The following PCBP3 variants were observed in gnomAD, a reference collection of about 807,000 sequenced individuals.
PCBP3 encodes poly(rC) binding protein 3, also known as poly(rC)-binding protein 3.
Under a neutral mutation model 52.7 loss-of-function variants are expected in PCBP3, and 25 were observed. The ratio of observed to expected loss-of-function variants is 0.47; its 90% CI spans 0.35 to 0.66. The LOEUF (loss-of-function observed/expected upper bound fraction) is 0.66, where lower values mean the gene tolerates loss of function less well. Ranked by LOEUF, PCBP3 falls within the 30% of genes least tolerant of loss-of-function variation. The probability of loss-of-function intolerance (pLI) is 0.01; values close to 1 mark genes in which losing one functional copy is unlikely to be tolerated. For missense variants in PCBP3, 391 were observed against 490.3 expected (o/e 0.80, Z 1.91); for synonymous variants, 162 against 183.0 (o/e 0.89, Z 0.93).
chr21:45,689,060 A>C (rs1225154271), intron 2 of PCBP3, among the ~76,000 whole-genome samples: 1 of 152,114 alleles, frequency 6.6e-6, no homozygotes. Context: ...GGATGAGGGA[A>C]TACTGCCGAA....
At chr21:45,664,093 C>T (rs1460270205) in intron 1 of PCBP3, among the ~76,000 whole-genome samples, 2 of 147,604 alleles carry the variant, frequency 1.4e-5, no homozygotes. Flanking sequence ...TCAGTAAAAC[C>T]CAAGGAGAGT....
At chr21:45,908,196 A>G (rs2096254173) in intron 9 of PCBP3, among the ~76,000 whole-genome samples, 1 of 152,174 alleles carries the variant, frequency 6.6e-6, no homozygotes. Flanking sequence ...CCAGAATTCC[A>G]GTTGCAGTGA....
intron 5 of PCBP3, among the ~76,000 whole-genome samples, chr21:45,890,805 T>C (rs57691792): frequency 0.46 from 68,564 of 147,780 alleles, 17,307 homozygotes; most frequent in African/African-American, 0.69. Flanking sequence ...GAACTCTGTG[T>C]GCTGCTGAGA....
intron 11 of PCBP3, chr21:45,911,397 A>T (rs1603498301): frequency 6.1e-6 from 1 of 164,224 alleles, no homozygotes; most frequent in Admixed American, 7.8e-5. Context: ...CTTGGGGGGC[A>T]GCTGGGGGTG....
intron 5 of PCBP3, among the ~76,000 whole-genome samples, chr21:45,866,253 G>A (rs1267569931): frequency 6.6e-6 from 1 of 152,210 alleles, no homozygotes; most frequent in Admixed American, 6.5e-5. Flanking sequence ...CTTGCACCCA[G>A]GGCCAGGGGC....
intron 3 of PCBP3, among the ~76,000 whole-genome samples, chr21:45,748,804 C>A (rs1240668034): frequency 6.6e-6 from 1 of 152,198 alleles, no homozygotes. Context: ...CGGTAGGAAC[C>A]CAGCTGGGCT....
intron 5 of PCBP3, among the ~76,000 whole-genome samples, chr21:45,875,376 C>A (rs1443439009): frequency 6.6e-6 from 1 of 152,258 alleles, no homozygotes; most frequent in Non-Finnish European, 1.5e-5. Flanking sequence ...TTCCAGTAAA[C>A]TGTGGGGTCA....
chr21:45,901,440 TG>T, intron 9 of PCBP3: 1 of 313,526 alleles, frequency 3.2e-6, no homozygotes, highest in Non-Finnish European at 6.3e-6. Context: ...GCGTGCAGCC[TG>T]GCTGACCCTT....
At position 45,901,139 on chromosome 21, in the gene PCBP3, C is replaced by T. The variant is rs756144761; in HGVS notation, c.339+26C>T. 4 of 1,515,124 alleles carry T rather than the reference C, an allele frequency of 2.6e-6. No individual in the cohort carries two copies. In the Admixed American group the frequency reaches 6.7e-5, roughly 25 times the overall value. The allele number at this position is 1,515,124 out of a possible 1,614,324, so 93.9% of individuals were successfully genotyped here. A position where few individuals can be genotyped will look rare whatever the true frequency, so the allele number is the denominator to read the frequency against. ...GTAACCTGCACCCCAGGCACCTCTG[C>T]CAGCCTGGCGGGGGCAGGCCTGGTC... On this transcript the variant is annotated intron_variant, in intron 9 of 17. Coordinates refer to ENST00000681687, the MANE Select transcript of PCBP3 (RefSeq NM_001384156.1).
chr21:45,926,837 A>G (rs1031033810), intron 13 of PCBP3, among the ~76,000 whole-genome samples: 1 of 152,210 alleles, frequency 6.6e-6, no homozygotes, highest in South Asian at 2.1e-4. Flanking sequence ...GTAAGCACAG[A>G]CTGTAAAGGA....
intron 6 of PCBP3, among the ~76,000 whole-genome samples, chr21:45,897,433 C>T (rs886245351): frequency 4.6e-5 from 7 of 152,224 alleles, no homozygotes; most frequent in Non-Finnish European, 1.0e-4. Context: ...AGGAACGTGG[C>T]AGCAGCTCTG....
At chr21:45,935,480 C>G (rs1452671041) in intron 16 of PCBP3, 175 bp downstream of exon 16, 6 of 698,166 alleles carry the variant, frequency 8.6e-6, no homozygotes, top group Non-Finnish European at 1.6e-5. Context: ...GGGTTTAATG[C>G]CCATAAAAAG....
In PCBP3 at chr21:45,704,119, T is replaced by C. The variant is rs79738655; in HGVS notation, c.-199-31273T>C. Reference sequence around the variant, plus strand: ...GAAGGGAAGACACGTTTATCTTGAGTTGGGAAGAACAAACTGGTCAGCTGG... The same window carrying C: ...GAAGGGAAGACACGTTTATCTTGAGCTGGGAAGAACAAACTGGTCAGCTGG... On this transcript the variant is annotated intron_variant, in intron 2 of 17. Coordinates refer to ENST00000681687, the MANE Select transcript of PCBP3 (RefSeq NM_001384156.1). This position sits in a 1 kb window ranked among gnomAD's most constrained non-coding sequence, Gnocchi z 4.1. 7.0e-4 allele frequency among the ~76,000 whole-genome samples: 106 copies of C among 152,132 alleles called. 1 individual carries two copies. In the East Asian group the frequency reaches 0.021, roughly 29 times the overall value.
chr21:45,845,654 G>A lies in PCBP3; in HGVS notation c.-125-4307G>A, dbSNP rs1009578. 2.9e-3 allele frequency among the ~76,000 whole-genome samples: 445 copies of A among 152,062 alleles called. 1 individual carries two copies. The highest frequency in any genetic ancestry group is 9.9e-3 in the African/African-American group (410 of 41,438). Reference sequence around the variant, plus strand: ...AGCACCCGTGTGCACATGTGTGAGTGTGTGCCTTTGCCATGTGCATGCATG... The same window carrying A: ...AGCACCCGTGTGCACATGTGTGAGTATGTGCCTTTGCCATGTGCATGCATG... On this transcript the variant is annotated intron_variant, in intron 4 of 17. Coordinates refer to ENST00000681687, the MANE Select transcript of PCBP3 (RefSeq NM_001384156.1).
intron 3 of PCBP3, among the ~76,000 whole-genome samples, chr21:45,747,243 A>G (rs2146223608): frequency 6.6e-6 from 1 of 152,354 alleles, no homozygotes; most frequent in South Asian, 2.1e-4. Context: ...ATTCACTACC[A>G]TGAGAACATG....
At chr21:45,884,006 T>G (rs1348193286) in intron 5 of PCBP3, among the ~76,000 whole-genome samples, 1 of 152,182 alleles carries the variant, frequency 6.6e-6, no homozygotes, top group East Asian at 1.9e-4. Flanking sequence ...AGTGTGATCA[T>G]GGCTCACTGC....
At position 45,917,367 on chromosome 21, in the gene PCBP3, G is replaced by GGCA; in HGVS notation, c.676-221_676-220insGCA. On this transcript the variant is annotated intron_variant, in intron 12 of 17. Coordinates refer to ENST00000681687, the MANE Select transcript of PCBP3 (RefSeq NM_001384156.1). This position sits in a 1 kb window ranked among gnomAD's most constrained non-coding sequence, Gnocchi z 5.3. ...TGTTTCCCTCCCACCCGCTGAACTG[G>GGCA]CCAGCTCAGCTCTGCCCGCCCAGAG... 2.2e-6 allele frequency: 1 copy of GGCA among 464,950 alleles called. No individual in the cohort carries two copies. The highest frequency in any genetic ancestry group is 4.0e-6 in the Non-Finnish European group (1 of 252,600). 28.8% of individuals were successfully genotyped at this position (464,950 alleles called of 1,614,324 possible).
rs550237055 is a variant in PCBP3, at chr21:45,778,093, G to T, written c.-126+22641G>T. Among the ~76,000 whole-genome samples the T allele has an allele frequency of 7.9e-5, 12 of 151,704 alleles. No individual in the cohort carries two copies. The East Asian group carries it at 2.3e-3, about 30-fold the overall frequency. ...CACTTCATAGGGAGGACTTTTTCCTGAAGATGAATCTGTCATGTTGGTTGG... is the reference window on the plus strand; with the variant it reads ...CACTTCATAGGGAGGACTTTTTCCTTAAGATGAATCTGTCATGTTGGTTGG... On this transcript the variant is annotated intron_variant, in intron 4 of 17. Transcript: ENST00000681687.
intron 4 of PCBP3, among the ~76,000 whole-genome samples, chr21:45,756,793 A>G (rs2088093563): frequency 6.6e-6 from 1 of 152,188 alleles, no homozygotes; most frequent in Non-Finnish European, 1.5e-5. Context: ...TTCACTCAGC[A>G]TATTTTCAAA....
Sources: gnomAD v4.1 joint callset for allele counts (sites outside exome capture counted in the v4.1 genomes callset) on GRCh38, gnomAD v4.1.1 for gene constraint, Gnocchi (gnomAD v3.1) non-coding constraint, MANE v1.5 for transcripts, NCBI Gene and HGNC (gene_info 2026-07-23, HGNC 2026-07-21) for gene names.